Variants in SGCD observed in about 807,000 individuals in gnomAD.
SGCD encodes the protein delta-sarcoglycan.
In SGCD, 18 loss-of-function variants were observed where a neutral mutation model predicts 36.6. That is an observed-to-expected ratio of 0.49 (90% CI 0.34 to 0.73). The LOEUF (loss-of-function observed/expected upper bound fraction) is 0.73, where lower values mean the gene tolerates loss of function less well. SGCD is among the 30% of genes least tolerant of loss of function. The pLI is 0.01. For synonymous variants in SGCD, 133 were observed against 130.6 expected (o/e 1.02, Z -0.12); for missense variants, 387 against 346.7 (o/e 1.12, Z -0.92).
rs1186257159 is a variant in SGCD, at chr5:156,003,188, A to C, written c.-281-114690A>C. Among the ~76,000 whole-genome samples the C allele has an allele frequency of 1.3e-4, 20 of 152,172 alleles. 1 individual carries two copies. On this transcript the variant is annotated intron_variant, in intron 1 of 9. Transcript: ENST00000517913. Reference sequence around the variant, plus strand: ...ATTTTCCTCCATAGTAGGTGTCATAACATAAAATTCTGTATTTCTTTGCAC... The same window carrying C: ...ATTTTCCTCCATAGTAGGTGTCATACCATAAAATTCTGTATTTCTTTGCAC...
intron 6 of SGCD, among the ~76,000 whole-genome samples, chr5:156,625,179 T>A (rs1762395149): frequency 6.6e-6 from 1 of 152,204 alleles, no homozygotes; most frequent in Non-Finnish European, 1.5e-5. Flanking sequence ...TCTTAGAGAC[T>A]GGCTATGATT....
intron 3 of SGCD, among the ~76,000 whole-genome samples, chr5:156,406,814 A>ATG (rs1772447069): frequency 3.4e-5 from 4 of 117,540 alleles, no homozygotes; most frequent in African/African-American, 1.4e-4. Flanking sequence ...ATATATATAT[A>ATG]TATATACACA....
intron 1 of SGCD, among the ~76,000 whole-genome samples, chr5:155,995,272 G>A (rs755107244): frequency 7.9e-5 from 12 of 151,988 alleles, no homozygotes; most frequent in Non-Finnish European, 1.2e-4. Flanking sequence ...AGAAAGGGTC[G>A]GATGATTTCT....
At chr5:155,957,636 C>T (rs1177517024) in intron 1 of SGCD, among the ~76,000 whole-genome samples, 2 of 152,106 alleles carry the variant, frequency 1.3e-5, no homozygotes, top group South Asian at 2.1e-4. Context: ...GCCAAGTCCT[C>T]TTCAGATTGT....
At chr5:156,239,172 G>A (rs1295344090) in intron 3 of SGCD, among the ~76,000 whole-genome samples, 1 of 152,086 alleles carries the variant, frequency 6.6e-6, no homozygotes, top group Non-Finnish European at 1.5e-5. Context: ...GGCCGAGGTG[G>A]ATGGATCACT....
In SGCD at chr5:155,909,880, G is replaced by A. The variant is rs529294552; in HGVS notation, c.-282+39456G>A. 1.6e-4 allele frequency among the ~76,000 whole-genome samples: 25 copies of A among 151,844 alleles called. No individual in the cohort carries two copies. The East Asian group carries it at 4.7e-3, about 28-fold the overall frequency. ...TAAAGAGAATTCAAGATAACATCTT[G>A]TAATTTACAAACTATTCCTAGAGAA... On this transcript the variant is annotated intron_variant, in intron 1 of 9. Transcript: ENST00000517913.
chr5:155,983,282 C>T (rs567956293), intron 1 of SGCD, among the ~76,000 whole-genome samples: 3 of 152,290 alleles, frequency 2.0e-5, no homozygotes, highest in Admixed American at 1.3e-4. Context: ...TTCCTACCAG[C>T]TAGAAGAGCT....
At chr5:155,744,384 TG>T in the SGCD span, among the ~76,000 whole-genome samples, 3 of 151,958 alleles carry the variant, frequency 2.0e-5, no homozygotes, top group African/African-American at 7.2e-5. Context: ...CGCTTGAACC[TG>T]GGAGGTGGAG....
At chr5:156,577,491 A>G (rs892274780) in intron 4 of SGCD, among the ~76,000 whole-genome samples, 1 of 152,222 alleles carries the variant, frequency 6.6e-6, no homozygotes, top group Non-Finnish European at 1.5e-5. Context: ...CATTGAATCT[A>G]TAAACTACCT....
intron 1 of SGCD, among the ~76,000 whole-genome samples, chr5:155,992,712 A>G (rs1758458355): frequency 1.3e-5 from 2 of 152,230 alleles, no homozygotes; most frequent in Admixed American, 6.5e-5. Context: ...TCATGGTTCC[A>G]TTAATCAGGA....
At chr5:155,883,176 C>G (rs1755926838) in intron 1 of SGCD, among the ~76,000 whole-genome samples, 2 of 152,186 alleles carry the variant, frequency 1.3e-5, no homozygotes, top group Admixed American at 1.3e-4. Flanking sequence ...AGCTTTGGCT[C>G]AAGAGCATGT....
At chr5:155,985,110 C>T (rs1193963164) in intron 1 of SGCD, among the ~76,000 whole-genome samples, 1 of 152,168 alleles carries the variant, frequency 6.6e-6, no homozygotes, top group Non-Finnish European at 1.5e-5. Context: ...CCTGAAGTAA[C>T]AAATTACCGT....
At chr5:156,190,242 C>T (rs1763856521) in intron 3 of SGCD, among the ~76,000 whole-genome samples, 1 of 152,094 alleles carries the variant, frequency 6.6e-6, no homozygotes, top group African/African-American at 2.4e-5. Context: ...GAAAGAATGC[C>T]ATTATCAAGA....
intron 6 of SGCD, among the ~76,000 whole-genome samples, chr5:156,595,559 T>C (rs1011037565): frequency 6.6e-6 from 1 of 152,184 alleles, no homozygotes; most frequent in Non-Finnish European, 1.5e-5. Flanking sequence ...GGTCCCCTAG[T>C]GGAAATTTCT....
intron 1 of SGCD, among the ~76,000 whole-genome samples, chr5:156,073,175 A>T (rs897120326): frequency 6.6e-5 from 10 of 152,116 alleles, no homozygotes; most frequent in Non-Finnish European, 1.3e-4. Flanking sequence ...AATTCAGGAA[A>T]CTTGCTTGTA....
At chr5:155,968,866 T>C (rs1396794227) in intron 1 of SGCD, among the ~76,000 whole-genome samples, 1 of 152,140 alleles carries the variant, frequency 6.6e-6, no homozygotes, top group Admixed American at 6.6e-5. Context: ...TGAACATATA[T>C]TAGCTGGTGC....
At chr5:156,068,420 A>G (rs566590246) in intron 1 of SGCD, among the ~76,000 whole-genome samples, 13 of 151,970 alleles carry the variant, frequency 8.6e-5, no homozygotes, top group African/African-American at 2.4e-4. Context: ...ATGATTTCCA[A>G]TTTCATCCAT....
intron 1 of SGCD, among the ~76,000 whole-genome samples, chr5:155,967,978 A>C (rs1453138084): frequency 6.6e-6 from 1 of 152,046 alleles, no homozygotes. Flanking sequence ...TTTCCCTTTC[A>C]AGAAGAAATG....
chr5:156,634,548 G>C (rs985085841), intron 6 of SGCD, among the ~76,000 whole-genome samples: 1 of 152,154 alleles, frequency 6.6e-6, no homozygotes, highest in African/African-American at 2.4e-5. Flanking sequence ...GAATGATTCT[G>C]TTTATATGAT....
Sources: gnomAD v4.1 joint callset for allele counts (sites outside exome capture counted in the v4.1 genomes callset) on GRCh38, gnomAD v4.1.1 for gene constraint, MANE v1.5 for transcripts, NCBI Gene and HGNC (gene_info 2026-07-23, HGNC 2026-07-21) for gene names.